Variants in ACSF2 observed in about 807,000 individuals in gnomAD.
The protein encoded by ACSF2 is acyl-CoA synthetase family member 2, also known as medium-chain acyl-CoA ligase ACSF2, mitochondrial.
ACSF2 carries 52 observed loss-of-function variants against 79.3 expected under a neutral mutation model. The ratio of observed to expected loss-of-function variants is 0.66; its 90% CI spans 0.53 to 0.83. The LOEUF is 0.83. ACSF2 is among the 40% of genes least tolerant of loss of function. ACSF2 has a pLI of 0.00. For missense variants in ACSF2, 661 were observed against 803.3 expected, an observed-to-expected ratio of 0.82 and a Z score of 2.14; for synonymous variants, 283 against 312.6, an observed-to-expected ratio of 0.91 and a Z score of 1.00.
intron 12 of ACSF2, chr17:50,472,791 C>A (rs1473108232): frequency 6.4e-6 from 3 of 469,682 alleles, no homozygotes; most frequent in Non-Finnish European, 1.1e-5. Flanking sequence ...ACACCAGCAG[C>A]TGCAAAATCT....
chr17:50,431,589 G>A (rs1221253324), intron 1 of ACSF2, among the ~76,000 whole-genome samples: 1 of 152,132 alleles, frequency 6.6e-6, no homozygotes, highest in East Asian at 1.9e-4. Context: ...CAAACTTCTG[G>A]GCTCAAGCAT....
At chr17:50,443,388 A>G (rs1440566102) in intron 1 of ACSF2, among the ~76,000 whole-genome samples, 2 of 152,224 alleles carry the variant, frequency 1.3e-5, no homozygotes, top group Non-Finnish European at 2.9e-5. Flanking sequence ...CCAGATTTAC[A>G]GGTTTTGAAG....
Position 50,468,538 on chromosome 17 carries a change from G to A in ACSF2, c.1216-2490G>A, listed in dbSNP as rs763466655. On this transcript the variant is annotated intron_variant, in intron 10 of 15. Coordinates refer to ENST00000300441, the MANE Select transcript of ACSF2 (RefSeq NM_025149.6). ...GTTGCTTGAGGCCGCGGAAGGCACC[G>A]GCGGCCACCTCGCGGATCTGGCAGT... 5 of 1,614,136 alleles carry A rather than the reference G, an allele frequency of 3.1e-6. No individual in the cohort carries two copies. The African/African-American group carries it at 4.0e-5, about 13-fold the overall frequency.
Position 50,451,599 on chromosome 17 carries a change from A to G in ACSF2, c.129-9078A>G, listed in dbSNP as rs560101262. On this transcript the variant is annotated intron_variant, in intron 1 of 15. Transcript: ENST00000300441. ...CAAGTAGCTGGGATTACAGGCACCC[A>G]TAACCACACCCGGCTAATTTTTGTA... is the stretch of plus-strand genomic sequence containing the variant. 1.2e-4 allele frequency among the ~76,000 whole-genome samples: 18 copies of G among 152,230 alleles called. No individual in the cohort carries two copies. The South Asian group carries it at 3.1e-3, about 26-fold the overall frequency.
intron 1 of ACSF2, among the ~76,000 whole-genome samples, chr17:50,430,046 G>T (rs1417820620): frequency 6.6e-6 from 1 of 152,246 alleles, no homozygotes; most frequent in East Asian, 1.9e-4. Flanking sequence ...TGAGGCAGCT[G>T]CATCCAGGGT....
chr17:50,454,128 C>A (rs1245722797), intron 1 of ACSF2, among the ~76,000 whole-genome samples: 2 of 151,450 alleles, frequency 1.3e-5, no homozygotes, highest in African/African-American at 4.9e-5. Context: ...ATGACTACAC[C>A]ACTGCACTCA....
At chr17:50,433,760 A>G (rs991390119) in intron 1 of ACSF2, among the ~76,000 whole-genome samples, 2 of 152,092 alleles carry the variant, frequency 1.3e-5, no homozygotes, top group Non-Finnish European at 2.9e-5. Context: ...CTGGGATTAC[A>G]GGTGTGTACC....
intron 1 of ACSF2, among the ~76,000 whole-genome samples, chr17:50,440,175 G>GTTCTGAGTCCTTC (rs1555607577): frequency 3.9e-5 from 6 of 152,150 alleles, no homozygotes; most frequent in Admixed American, 6.5e-5. Flanking sequence ...AACAAAACAG[G>GTTCTGAGTCCTTC]ATATTGCTTT....
intron 1 of ACSF2, among the ~76,000 whole-genome samples, chr17:50,449,139 C>A (rs751590076): frequency 6.6e-6 from 1 of 150,614 alleles, no homozygotes; most frequent in Non-Finnish European, 1.5e-5. Context: ...GCTTCAGCCT[C>A]CCGAGTAGCC....
chr17:50,451,317 T>A (rs552838639), intron 1 of ACSF2, among the ~76,000 whole-genome samples: 1 of 152,364 alleles, frequency 6.6e-6, no homozygotes, highest in South Asian at 2.1e-4. Context: ...GGTTATATGC[T>A]AATTCTATAT....
chr17:50,468,590 G>A, intron 10 of ACSF2: 2 of 1,614,156 alleles, frequency 1.2e-6, no homozygotes, highest in Non-Finnish European at 1.7e-6. Flanking sequence ...CACGAGGTTC[G>A]GCATGGCCCG....
At chr17:50,450,860 T>A (rs1348171908) in intron 1 of ACSF2, 1 of 152,270 alleles carries the variant, frequency 6.6e-6, no homozygotes, top group African/African-American at 2.4e-5. Flanking sequence ...CGTTCATCTG[T>A]TGCTGGACAT....
intron 1 of ACSF2, among the ~76,000 whole-genome samples, chr17:50,457,252 C>G (rs1250135269): frequency 6.6e-6 from 1 of 152,178 alleles, no homozygotes; most frequent in East Asian, 1.9e-4. Flanking sequence ...AGAAGATGTG[C>G]TCTGGCTTCC....
intron 12 of ACSF2, 162 bp from the exon 13 acceptor site, chr17:50,473,503 T>A: frequency 1.1e-6 from 1 of 940,634 alleles, no homozygotes; most frequent in African/African-American, 1.6e-5. Context: ...CTCCCCTTAC[T>A]GGACTATTAA....
At chr17:50,449,430 AGTCTC>A (rs2031521615) in intron 1 of ACSF2, among the ~76,000 whole-genome samples, 1 of 146,420 alleles carries the variant, frequency 6.8e-6, no homozygotes, top group South Asian at 2.2e-4. Flanking sequence ...TTTGAGACTG[AGTCTC>A]GCTTTGTCAC....
At chr17:50,435,559 C>A (rs956725176) in intron 1 of ACSF2, among the ~76,000 whole-genome samples, 1 of 150,700 alleles carries the variant, frequency 6.6e-6, no homozygotes, top group African/African-American at 2.5e-5. Flanking sequence ...TATGGGTACA[C>A]GCCACAAAGC....
At chr17:50,449,553 C>T (rs1461399657) in intron 1 of ACSF2, among the ~76,000 whole-genome samples, 1 of 149,646 alleles carries the variant, frequency 6.7e-6, no homozygotes, top group Non-Finnish European at 1.5e-5. Flanking sequence ...TACAGGCGCC[C>T]GCCACCACGC....
intron 9 of ACSF2, 124 bp from the exon 10 acceptor site, chr17:50,464,094 G>A (rs2032525781): frequency 2.4e-6 from 3 of 1,273,648 alleles, no homozygotes; most frequent in Non-Finnish European, 2.3e-6. Flanking sequence ...CAGCTGCCAG[G>A]TGTAGGAAAG....
intron 1 of ACSF2, among the ~76,000 whole-genome samples, chr17:50,431,919 T>C (rs2029963946): frequency 6.6e-6 from 1 of 152,196 alleles, no homozygotes; most frequent in Non-Finnish European, 1.5e-5. Flanking sequence ...CTTTCTTTTT[T>C]TGGTGGAGAC....
Sources: gnomAD v4.1 joint callset for allele counts (sites outside exome capture counted in the v4.1 genomes callset) on GRCh38, gnomAD v4.1.1 for gene constraint, MANE v1.5 for transcripts, NCBI Gene and HGNC (gene_info 2026-07-23, HGNC 2026-07-21) for gene names.